Variants in OPCML observed in about 807,000 individuals in gnomAD.
OPCML encodes opioid-binding protein/cell adhesion molecule.
In OPCML, 13 loss-of-function variants were observed where a neutral mutation model predicts 37.8. That is an observed-to-expected ratio of 0.34 (90% confidence interval 0.22 to 0.55). The LOEUF is 0.55. Ranked by LOEUF, OPCML falls within the 20% of genes least tolerant of loss-of-function variation. The pLI, the probability that OPCML is intolerant of heterozygous loss-of-function variation, is 0.91. For synonymous variants in OPCML, 176 were observed against 168.8 expected, an observed-to-expected ratio of 1.04 and a Z score of -0.33; for missense variants, 341 against 435.6, an observed-to-expected ratio of 0.78 and a Z score of 1.93.
chr11:132,554,561 G>T (rs887792153), intron 3 of OPCML, among the ~76,000 whole-genome samples: 1 of 152,174 alleles, frequency 6.6e-6, no homozygotes, highest in Non-Finnish European at 1.5e-5. Context: ...GATGAGCTTT[G>T]CTGAGGACAG....
At chr11:133,065,451 C>A (rs1047144371) in intron 1 of OPCML, 6 of 152,184 alleles carry the variant, frequency 3.9e-5, no homozygotes, top group African/African-American at 1.4e-4. Context: ...TGCCTGGAGA[C>A]AAATGTGCCC....
At chr11:132,878,386 A>G (rs2136420165) in intron 2 of OPCML, among the ~76,000 whole-genome samples, 1 of 152,290 alleles carries the variant, frequency 6.6e-6, no homozygotes, top group African/African-American at 2.4e-5. Flanking sequence ...GATGGGCCTC[A>G]TCCTATCTTT....
At chr11:133,123,447 C>A (rs1229425113) in intron 1 of OPCML, among the ~76,000 whole-genome samples, 1 of 152,126 alleles carries the variant, frequency 6.6e-6, no homozygotes, top group Non-Finnish European at 1.5e-5. Flanking sequence ...GAAATGACAA[C>A]CCATAAACAC....
At chr11:133,005,989 T>C in intron 1 of OPCML, 9 of 985,420 alleles carry the variant, frequency 9.1e-6, no homozygotes, top group Non-Finnish European at 1.1e-5. Context: ...GATGTCTCTT[T>C]TCCTTGCCCT....
chr11:132,703,898 G>A (rs1339157736), intron 2 of OPCML, among the ~76,000 whole-genome samples: 1 of 152,216 alleles, frequency 6.6e-6, no homozygotes, highest in Non-Finnish European at 1.5e-5. Context: ...GGATTTGCAA[G>A]GATGGGCCTT....
intron 3 of OPCML, among the ~76,000 whole-genome samples, chr11:132,563,807 A>C (rs2096416037): frequency 7.2e-6 from 1 of 138,580 alleles, no homozygotes; most frequent in Non-Finnish European, 1.6e-5. Flanking sequence ...AAACAACAAC[A>C]ACAAAAAAAC....
chr11:132,633,878 T>C (rs1363744083), intron 3 of OPCML, among the ~76,000 whole-genome samples: 1 of 148,112 alleles, frequency 6.8e-6, no homozygotes, highest in Non-Finnish European at 1.5e-5. Context: ...AGACGTTTAT[T>C]ACCTCATGTA....
chr11:132,558,541 G>A lies in OPCML; in HGVS notation c.380-29355C>T, dbSNP rs184291531. On this transcript the variant is annotated intron_variant, in intron 3 of 7. Coordinates refer to ENST00000524381, the MANE Select transcript of OPCML (RefSeq NM_001012393.5). ...TCTTCTTCTCTTCTTCTTCGTCTTC[G>A]TCTTTGTCTTCTTGTGGATATTAAG... Among the ~76,000 whole-genome samples the A allele has an allele frequency of 4.3e-3, 498 of 114,778 alleles. 3 individuals carry two copies. The highest frequency in any genetic ancestry group is 5.6e-3 in the Admixed American group (46 of 8,236). The allele number at this position is 114,778 out of a possible 152,430, so 75.3% of individuals were successfully genotyped here. A position where few individuals can be genotyped will look rare whatever the true frequency, so the allele number is the denominator to read the frequency against.
At chr11:132,511,802 A>G (rs1591485358) in intron 4 of OPCML, among the ~76,000 whole-genome samples, 2 of 144,046 alleles carry the variant, frequency 1.4e-5, no homozygotes, top group African/African-American at 5.0e-5. Flanking sequence ...AAACATCTAG[A>G]AAAAAAACAT....
chr11:133,223,354 C>T (rs11223404), intron 1 of OPCML, among the ~76,000 whole-genome samples: 64,133 of 152,102 alleles, frequency 0.42, 16,433 homozygotes, highest in African/African-American at 0.7. Context: ...ACAGAGTATT[C>T]TTTCTGGTCC....
intron 4 of OPCML, among the ~76,000 whole-genome samples, chr11:132,438,226 C>T (rs2096019762): frequency 6.6e-6 from 1 of 152,214 alleles, no homozygotes; most frequent in Non-Finnish European, 1.5e-5. Context: ...TGGTTCAGTG[C>T]AAAGACAACA....
chr11:132,711,804 T>C (rs181401306), intron 2 of OPCML, among the ~76,000 whole-genome samples: 2 of 152,344 alleles, frequency 1.3e-5, no homozygotes, highest in East Asian at 3.9e-4. Flanking sequence ...ATATGCTATA[T>C]GTGTGTACAC....
At chr11:132,954,622 C>A (rs548892874) in intron 1 of OPCML, among the ~76,000 whole-genome samples, 1 of 152,124 alleles carries the variant, frequency 6.6e-6, no homozygotes, top group African/African-American at 2.4e-5. Context: ...CCAAGTAAAA[C>A]TACGCTGTTG....
At chr11:133,109,815 A>T (rs1949223034) in intron 1 of OPCML, among the ~76,000 whole-genome samples, 2 of 152,180 alleles carry the variant, frequency 1.3e-5, no homozygotes, top group Non-Finnish European at 2.9e-5. Context: ...GAGTCATTGC[A>T]TTTGAGAGTG....
intron 3 of OPCML, among the ~76,000 whole-genome samples, chr11:132,611,044 G>A (rs1938607934): frequency 6.6e-6 from 1 of 152,132 alleles, no homozygotes; most frequent in South Asian, 2.1e-4. Flanking sequence ...GAAATCACCT[G>A]AAAATGAACT....
chr11:133,105,404 G>T (rs1206849109), intron 1 of OPCML, among the ~76,000 whole-genome samples: 3 of 152,226 alleles, frequency 2.0e-5, no homozygotes, highest in East Asian at 3.9e-4. Context: ...ATGAAGAAAA[G>T]GTATAGGTTG....
chr11:132,808,757 A>G (rs1939161577), intron 2 of OPCML, among the ~76,000 whole-genome samples: 1 of 152,202 alleles, frequency 6.6e-6, no homozygotes, highest in East Asian at 1.9e-4. Context: ...ACAGGATTTC[A>G]GAGCTGAAAG....
chr11:133,029,590 G>C (rs559274709), intron 1 of OPCML, among the ~76,000 whole-genome samples: 1 of 152,246 alleles, frequency 6.6e-6, no homozygotes, highest in African/African-American at 2.4e-5. Flanking sequence ...GCAGCTGGAG[G>C]CCATTCTCCT....
At chr11:133,505,877 C>T (rs567843173) in intron 1 of OPCML, among the ~76,000 whole-genome samples, 1 of 152,290 alleles carries the variant, frequency 6.6e-6, no homozygotes, top group East Asian at 1.9e-4. Context: ...TCCCGGCCGA[C>T]CTTCCTCATC....
Sources: gnomAD v4.1 joint callset for allele counts (sites outside exome capture counted in the v4.1 genomes callset) on GRCh38, gnomAD v4.1.1 for gene constraint, MANE v1.5 for transcripts, NCBI Gene and HGNC (gene_info 2026-07-23, HGNC 2026-07-21) for gene names.